Variants in ARHGAP15 observed in about 807,000 individuals in gnomAD.
ARHGAP15 encodes the protein rho GTPase-activating protein 15.
A neutral mutation model predicts 63.7 loss-of-function variants in ARHGAP15; 51 were observed. That is an observed-to-expected ratio of 0.80 (90% CI 0.64 to 1.01). The LOEUF is 1.01. Among genes scored for constraint, ARHGAP15 ranks in the 50% least tolerant of loss-of-function variants. The probability of loss-of-function intolerance (pLI) is 0.00; values close to 1 mark genes in which losing one functional copy is unlikely to be tolerated. For synonymous variants in ARHGAP15, 191 were observed against 193.8 expected, an observed-to-expected ratio of 0.99 and a Z score of 0.12; for missense variants, 560 against 564.6, an observed-to-expected ratio of 0.99 and a Z score of 0.08.
At chr2:143,376,354 G>A (rs1686806498) in intron 6 of ARHGAP15, among the ~76,000 whole-genome samples, 1 of 152,074 alleles carries the variant, frequency 6.6e-6, no homozygotes, top group Non-Finnish European at 1.5e-5. Context: ...TTTATAGCCT[G>A]TCAATGAAAA....
chr2:143,633,693 G>T (rs749884036), intron 12 of ARHGAP15, among the ~76,000 whole-genome samples: 1 of 151,984 alleles, frequency 6.6e-6, no homozygotes, highest in African/African-American at 2.4e-5. Flanking sequence ...ATAACAAAAC[G>T]CAAAATTTCT....
intron 6 of ARHGAP15, among the ~76,000 whole-genome samples, chr2:143,337,280 A>AG (rs1684844865): frequency 6.6e-6 from 1 of 152,064 alleles, no homozygotes; most frequent in Non-Finnish European, 1.5e-5. Flanking sequence ...GAGGCTAGGG[A>AG]GGTGGGAGGA....
chr2:143,682,168 T>C (rs1001358304), intron 12 of ARHGAP15, among the ~76,000 whole-genome samples: 35 of 152,312 alleles, frequency 2.3e-4, no homozygotes, highest in African/African-American at 8.2e-4. Flanking sequence ...CTATAAATAA[T>C]TGATAATTTT....
chr2:143,312,285 G>T (rs759723243), intron 6 of ARHGAP15, among the ~76,000 whole-genome samples: 2 of 151,928 alleles, frequency 1.3e-5, no homozygotes, highest in Admixed American at 6.6e-5. Context: ...CACGTCTTTC[G>T]GCAATTCAGA....
chr2:143,377,128 T>C (rs1686848746), intron 6 of ARHGAP15, among the ~76,000 whole-genome samples: 1 of 152,048 alleles, frequency 6.6e-6, no homozygotes, highest in African/African-American at 2.4e-5. Flanking sequence ...GACAGGCTAA[T>C]AAAATGTATC....
At chr2:143,685,047 G>C (rs1683266835) in intron 12 of ARHGAP15, among the ~76,000 whole-genome samples, 1 of 152,124 alleles carries the variant, frequency 6.6e-6, no homozygotes, top group African/African-American at 2.4e-5. Flanking sequence ...AAAGTGAGGG[G>C]GGCACTGTGT....
chr2:143,513,548 C>T (rs1693677801), intron 9 of ARHGAP15, among the ~76,000 whole-genome samples: 2 of 152,212 alleles, frequency 1.3e-5, no homozygotes, highest in African/African-American at 4.8e-5. Context: ...TTACAACTAT[C>T]TGCTTTTCAG....
chr2:143,161,719 G>A (rs1023251163), intron 2 of ARHGAP15, among the ~76,000 whole-genome samples: 5 of 151,952 alleles, frequency 3.3e-5, no homozygotes, highest in Admixed American at 1.3e-4. Flanking sequence ...CAAAGGTAGA[G>A]AGGAAAGCAA....
chr2:143,292,937 C>CA (rs762363250), intron 6 of ARHGAP15, among the ~76,000 whole-genome samples: 2 of 151,958 alleles, frequency 1.3e-5, no homozygotes, highest in Non-Finnish European at 2.9e-5. Context: ...AGTTCCAATC[C>CA]AACAGTACCA....
At chr2:143,301,865 A>G (rs904961143) in intron 6 of ARHGAP15, among the ~76,000 whole-genome samples, 5 of 151,746 alleles carry the variant, frequency 3.3e-5, no homozygotes, top group African/African-American at 1.2e-4. Context: ...ATATATATGG[A>G]GACACATATA....
intron 11 of ARHGAP15, among the ~76,000 whole-genome samples, chr2:143,615,137 C>A (rs987109912): frequency 2.8e-4 from 43 of 152,226 alleles, no homozygotes; most frequent in African/African-American, 1.0e-3. Context: ...TCCAACTAAT[C>A]GAGATAACTT....
chr2:143,610,332 G>A (rs1170761271), intron 11 of ARHGAP15, among the ~76,000 whole-genome samples: 1 of 152,112 alleles, frequency 6.6e-6, no homozygotes, highest in Non-Finnish European at 1.5e-5. Flanking sequence ...TTCATTAAAG[G>A]AAATGTAACC....
chr2:143,203,950 A>C (rs1253176549), intron 3 of ARHGAP15, among the ~76,000 whole-genome samples: 2 of 152,018 alleles, frequency 1.3e-5, no homozygotes, highest in African/African-American at 2.4e-5. Flanking sequence ...CATATCTGAA[A>C]CTGATCCCGA....
chr2:143,202,003 AT>A (rs1692137932), intron 2 of ARHGAP15, 130 bp from the exon 3 acceptor site: 1 of 750,358 alleles, frequency 1.3e-6, no homozygotes. Context: ...TGTCCAAAAC[AT>A]TTACTTCTCA....
chr2:143,365,320 A>G (rs1686249698), intron 6 of ARHGAP15, among the ~76,000 whole-genome samples: 1 of 152,222 alleles, frequency 6.6e-6, no homozygotes, highest in South Asian at 2.1e-4. Flanking sequence ...AGGACAGGAT[A>G]TTCAGCAAAT....
chr2:143,539,444 C>T (rs1399006637), intron 10 of ARHGAP15, among the ~76,000 whole-genome samples: 1 of 152,094 alleles, frequency 6.6e-6, no homozygotes, highest in Non-Finnish European at 1.5e-5. Flanking sequence ...TTTGCTCTTG[C>T]TTCTCTAGTT....
intron 6 of ARHGAP15, among the ~76,000 whole-genome samples, chr2:143,331,285 C>T (rs1668606376): frequency 6.6e-6 from 1 of 152,066 alleles, no homozygotes; most frequent in Non-Finnish European, 1.5e-5. Context: ...GTGAAGCTTT[C>T]CTTGCTCCGA....
chr2:143,238,980 G>A (rs1367412805), intron 5 of ARHGAP15, among the ~76,000 whole-genome samples: 1 of 152,108 alleles, frequency 6.6e-6, no homozygotes, highest in African/African-American at 2.4e-5. Flanking sequence ...TGAATAATGA[G>A]AACACATGGA....
intron 2 of ARHGAP15, among the ~76,000 whole-genome samples, chr2:143,196,350 G>T (rs1468655628): frequency 2.0e-5 from 3 of 151,902 alleles, no homozygotes; most frequent in African/African-American, 7.2e-5. Flanking sequence ...CTATTTGCAG[G>T]ACGTGATAAT....
Sources: gnomAD v4.1 joint callset for allele counts (sites outside exome capture counted in the v4.1 genomes callset) on GRCh38, gnomAD v4.1.1 for gene constraint, MANE v1.5 for transcripts, NCBI Gene and HGNC (gene_info 2026-07-23, HGNC 2026-07-21) for gene names.